MLPH: variants seen among roughly 807,000 people sequenced by gnomAD.
MLPH encodes the protein exophilin-3.
In MLPH, 51 loss-of-function variants were observed where a neutral mutation model predicts 72.1. The observed-to-expected ratio is 0.71, with a 90% CI of 0.56 to 0.89. The LOEUF (loss-of-function observed/expected upper bound fraction) is 0.89. Among genes scored for constraint, MLPH ranks in the 40% least tolerant of loss-of-function variants. MLPH has a pLI of 0.00. For missense variants in MLPH, 743 were observed against 759.9 expected, an observed-to-expected ratio of 0.98 and a Z score of 0.26; for synonymous variants, 301 against 310.1, an observed-to-expected ratio of 0.97 and a Z score of 0.31.
rs1346264043 is a variant in MLPH at position 237,545,518 on chromosome 2, G to C, written c.1540-1088G>C. The C allele has an allele frequency of 3.1e-6, 4 of 1,289,198 alleles. No homozygotes were observed. The African/African-American group carries it at 6.1e-5, about 20-fold the overall frequency. 79.9% of individuals were successfully genotyped at this position (1,289,198 alleles called of 1,614,324 possible). On this transcript the variant is annotated intron_variant, in intron 12 of 15. Transcript: ENST00000264605. Reference sequence around the variant, plus strand: ...GATCTGAAACACACACACCCTGACAGTGTAAAATCCAAAAGGAGCCGCCTG... The same window carrying C: ...GATCTGAAACACACACACCCTGACACTGTAAAATCCAAAAGGAGCCGCCTG...
chr2:237,522,849 C>T (rs2080219920), intron 6 of MLPH, among the ~76,000 whole-genome samples: 1 of 152,138 alleles, frequency 6.6e-6, no homozygotes, highest in Non-Finnish European at 1.5e-5. Context: ...CATGCTATAG[C>T]TAAAATAAAG....
At chr2:237,518,427 G>A in intron 4 of MLPH, 112 bp from the exon 5 acceptor site, 7 of 833,508 alleles carry the variant, frequency 8.4e-6, no homozygotes, top group Admixed American at 2.0e-5. Flanking sequence ...GAAGGAGGGA[G>A]GGATGGGCAG....
intron 2 of MLPH, 55 bp downstream of exon 2, chr2:237,493,591 G>T: frequency 7.4e-7 from 1 of 1,358,208 alleles, no homozygotes; most frequent in Non-Finnish European, 1.1e-6. Flanking sequence ...TTCCCCCAGG[G>T]CCATCATATG....
intron 13 of MLPH, among the ~76,000 whole-genome samples, chr2:237,547,409 C>T (rs111285265): frequency 6.0e-5 from 2 of 33,412 alleles, no homozygotes; most frequent in Admixed American, 5.1e-4. Context: ...AGGAGCTCCC[C>T]GTGTTCAGGT....
intron 9 of MLPH, among the ~76,000 whole-genome samples, chr2:237,536,947 T>C (rs1414389708): frequency 1.3e-5 from 2 of 152,220 alleles, no homozygotes; most frequent in African/African-American, 4.8e-5. Flanking sequence ...CAGGGACTAG[T>C]AAATCAGAAG....
intron 8 of MLPH, chr2:237,527,721 C>A: frequency 1.5e-6 from 1 of 660,804 alleles, no homozygotes; most frequent in Non-Finnish European, 2.5e-6. Flanking sequence ...CTTAGTATGG[C>A]CATTCCCCAA....
In MLPH at chr2:237,554,691, A is replaced by T. The variant is rs1326274645; in HGVS notation, c.*1099A>T. On this transcript the variant is annotated 3_prime_UTR_variant, in exon 16 of 16. Coordinates refer to ENST00000264605, the MANE Select transcript of MLPH (RefSeq NM_024101.7). ...GCTGAGAGGAGTGGCTTCTTTTAGA[A>T]TCAAACAGTAGAGACAAGAGTCAAG... The T allele has an allele frequency of 6.6e-6, 1 of 152,214 alleles. No individual in the cohort carries two copies. The highest frequency in any genetic ancestry group is 2.4e-5 in the African/African-American group (1 of 41,452). The allele number at this position is 152,214 out of a possible 1,614,324, so 9.4% of individuals were successfully genotyped here. A position where few individuals can be genotyped will look rare whatever the true frequency, so the allele number is the denominator to read the frequency against.
At chr2:237,495,397 C>G (rs1363538054) in intron 2 of MLPH, among the ~76,000 whole-genome samples, 4 of 152,100 alleles carry the variant, frequency 2.6e-5, no homozygotes, top group Non-Finnish European at 2.9e-5. Context: ...CAGCTGACCC[C>G]AGCATTTAAA....
intron 9 of MLPH, among the ~76,000 whole-genome samples, chr2:237,538,237 G>A (rs570147646): frequency 2.0e-5 from 3 of 152,316 alleles, no homozygotes; most frequent in South Asian, 4.1e-4. Flanking sequence ...CCAGGAGGGC[G>A]GGGCCTGCGT....
intron 1 of MLPH, among the ~76,000 whole-genome samples, chr2:237,488,442 T>A (rs1292786508): frequency 1.3e-5 from 2 of 148,354 alleles, no homozygotes; most frequent in African/African-American, 5.2e-5. Flanking sequence ...CCTGCATCTG[T>A]CCTAGGAAAC....
intron 14 of MLPH, among the ~76,000 whole-genome samples, chr2:237,551,213 T>C (rs1046526330): frequency 1.3e-5 from 2 of 152,198 alleles, no homozygotes; most frequent in Non-Finnish European, 2.9e-5. Flanking sequence ...TCCCTCGAGT[T>C]AGGTGATTCC....
rs2079656670 is a variant in MLPH, at chr2:237,501,783, A to T, written c.110+8247A>T. Among the ~76,000 whole-genome samples, 4 of 151,480 alleles carry T rather than the reference A, an allele frequency of 2.6e-5. No homozygotes were observed. The South Asian group carries it at 8.4e-4, about 32-fold the overall frequency. On this transcript the variant is annotated intron_variant, in intron 2 of 15. Coordinates refer to ENST00000264605, the MANE Select transcript of MLPH (RefSeq NM_024101.7). ...AAAATTGCTTGAACCTGGGAGGCGG[A>T]GGTTGCATGAGCTGAGATCGCGCCA...
chr2:237,525,455 G>A (rs1440202134), intron 6 of MLPH, 146 bp from the exon 7 acceptor site: 1 of 732,424 alleles, frequency 1.4e-6, no homozygotes, highest in Non-Finnish European at 2.4e-6. Flanking sequence ...AGAACTGAGT[G>A]GCAGGGGCCA....
intron 8 of MLPH, among the ~76,000 whole-genome samples, chr2:237,532,649 G>T (rs1225475493): frequency 1.3e-5 from 2 of 152,234 alleles, no homozygotes; most frequent in African/African-American, 4.8e-5. Flanking sequence ...GAAAGCTCAA[G>T]GGGTTCCTAC....
intron 5 of MLPH, 143 bp downstream of exon 5, chr2:237,518,791 C>A: frequency 1.4e-6 from 1 of 718,866 alleles, no homozygotes. Context: ...GAATCTGCTG[C>A]CCTTTCCCAG....
intron 15 of MLPH, 107 bp from the exon 16 acceptor site, chr2:237,553,459 C>T: frequency 1.9e-6 from 2 of 1,029,116 alleles, no homozygotes; most frequent in East Asian, 2.6e-5. Flanking sequence ...CAGATGTGCA[C>T]ATCCATGTAC....
Position 237,552,884 on chromosome 2 carries a change from G to T in MLPH, c.1776+447G>T, listed in dbSNP as rs2081066867. ...GTGTGTGTGTACTGTGTGCATGCCTGTGTGTTTGTGCACACCCATGTGTAT... is the reference window on the plus strand; with the variant it reads ...GTGTGTGTGTACTGTGTGCATGCCTTTGTGTTTGTGCACACCCATGTGTAT... On this transcript the variant is annotated intron_variant, in intron 15 of 15. Transcript: ENST00000264605. Among the ~76,000 whole-genome samples, 6 of 152,218 alleles carry T rather than the reference G, an allele frequency of 3.9e-5. 1 individual carries two copies. The South Asian group carries it at 1.0e-3, about 26-fold the overall frequency.
chr2:237,527,262 G>T, intron 7 of MLPH, 115 bp from the exon 8 acceptor site: 1 of 1,333,250 alleles, frequency 7.5e-7, no homozygotes. Context: ...CCTGTAACAT[G>T]AACATCCTTA....
chr2:237,497,549 G>A (rs2079560285), intron 2 of MLPH, among the ~76,000 whole-genome samples: 1 of 152,216 alleles, frequency 6.6e-6, no homozygotes, highest in African/African-American at 2.4e-5. Flanking sequence ...GCCTCGCAGT[G>A]TGCTCTGCTC....
Sources: allele counts gnomAD v4.1 joint callset (sites outside exome capture counted in the v4.1 genomes callset), GRCh38; gene constraint gnomAD v4.1.1; transcripts MANE v1.5; gene names NCBI Gene and HGNC (gene_info 2026-07-23, HGNC 2026-07-21).